Variants in EML6 observed in about 807,000 individuals in gnomAD.
EML6 encodes the protein EMAP like 6.
In EML6, 154 loss-of-function variants were observed where a neutral mutation model predicts 240.1. That is an observed-to-expected ratio of 0.64 (90% CI 0.56 to 0.73). The LOEUF is 0.73. Ranked by LOEUF, EML6 falls within the 30% of genes least tolerant of loss-of-function variation. EML6 has a pLI of 0.00. For synonymous variants in EML6, 1,148 were observed against 899.0 expected, an observed-to-expected ratio of 1.28 and a Z score of -4.95; for missense variants, 2,964 against 2,474.6, an observed-to-expected ratio of 1.20 and a Z score of -4.20.
chr2:54,854,737 C>G (rs748735184), intron 11 of EML6, among the ~76,000 whole-genome samples: 2 of 152,236 alleles, frequency 1.3e-5, no homozygotes, highest in African/African-American at 2.4e-5. Context: ...CATAACAAGA[C>G]ACCATCACTG....
At chr2:54,806,873 C>G (rs534221699) in intron 2 of EML6, among the ~76,000 whole-genome samples, 1 of 151,970 alleles carries the variant, frequency 6.6e-6, no homozygotes, top group Non-Finnish European at 1.5e-5. Context: ...GAGTAATTTG[C>G]TGAAGGTGAT....
intron 10 of EML6, among the ~76,000 whole-genome samples, chr2:54,850,567 A>G (rs1670023354): frequency 7.3e-6 from 1 of 137,598 alleles, no homozygotes; most frequent in African/African-American, 2.7e-5. Context: ...ATGCCTAAGG[A>G]TAAGAGCAAG....
intron 3 of EML6, among the ~76,000 whole-genome samples, chr2:54,816,531 G>C (rs1474007598): frequency 6.6e-6 from 1 of 152,172 alleles, no homozygotes; most frequent in African/African-American, 2.4e-5. Flanking sequence ...GATCTCCTGA[G>C]AGTTTATATG....
chr2:54,837,674 C>A (rs974160983), intron 7 of EML6, among the ~76,000 whole-genome samples: 3 of 152,186 alleles, frequency 2.0e-5, no homozygotes, highest in Non-Finnish European at 2.9e-5. Flanking sequence ...ACCTGCTGGG[C>A]ACTCTGAATT....
chr2:54,964,828 A>C (rs1183753702), intron 38 of EML6, 95 bp downstream of exon 38: 1 of 1,193,308 alleles, frequency 8.4e-7, no homozygotes. Flanking sequence ...TGTACCAGGC[A>C]ATGTGCTAAC....
chr2:54,944,318 C>T (rs1204776291), intron 28 of EML6, among the ~76,000 whole-genome samples: 1 of 152,146 alleles, frequency 6.6e-6, no homozygotes, highest in Non-Finnish European at 1.5e-5. Flanking sequence ...AACCATCTGT[C>T]CAGATATGCA....
chr2:54,777,751 T>C (rs1668664219), intron 2 of EML6, among the ~76,000 whole-genome samples: 1 of 152,202 alleles, frequency 6.6e-6, no homozygotes, highest in South Asian at 2.1e-4. Flanking sequence ...GCTGGGTACA[T>C]GGAGTGTTAC....
rs544507399 is a variant in EML6, at chr2:54,774,602, C to T, written c.198-38630C>T. The stretch of plus-strand genomic sequence containing the variant: ...GTTGTAAGGATCAAATAAAATAAAA[C>T]ATAGAGGTCCTTTTGCAAGAGGACC... On this transcript the variant is annotated intron_variant, in intron 2 of 41. Coordinates refer to ENST00000356458, the MANE Select transcript of EML6 (RefSeq NM_001039753.4). The surrounding 1 kb of genome is among the most constrained non-coding windows in gnomAD (Gnocchi z 4.1). Among the ~76,000 whole-genome samples, 1 of 152,194 alleles carries T rather than the reference C, an allele frequency of 6.6e-6. No individual in the cohort carries two copies. The highest frequency in any genetic ancestry group is 2.4e-5 in the African/African-American group (1 of 41,452).
intron 2 of EML6, among the ~76,000 whole-genome samples, chr2:54,775,808 T>C (rs1366852970): frequency 6.6e-6 from 1 of 152,188 alleles, no homozygotes; most frequent in Non-Finnish European, 1.5e-5. Context: ...AGTCTACAAC[T>C]AAAACCCATT....
chr2:54,753,666 T>G (rs1330664026), intron 2 of EML6, among the ~76,000 whole-genome samples: 3 of 148,136 alleles, frequency 2.0e-5, no homozygotes, highest in Non-Finnish European at 4.5e-5. Flanking sequence ...TCCTGAGTTT[T>G]TTTTTTTTTT....
At chr2:54,946,203 C>T (rs761373503) in intron 28 of EML6, among the ~76,000 whole-genome samples, 8 of 152,114 alleles carry the variant, frequency 5.3e-5, no homozygotes, top group Non-Finnish European at 1.2e-4. Context: ...CTGACCCTGC[C>T]CCCCTGCCCA....
At chr2:54,923,979 G>A (rs1325683292) in intron 26 of EML6, among the ~76,000 whole-genome samples, 1 of 152,170 alleles carries the variant, frequency 6.6e-6, no homozygotes, top group Non-Finnish European at 1.5e-5. Flanking sequence ...TTTCATAGCT[G>A]AGTAGAATTC....
chr2:54,938,726 T>C (rs1218683766), intron 28 of EML6, among the ~76,000 whole-genome samples: 3 of 152,234 alleles, frequency 2.0e-5, no homozygotes, highest in African/African-American at 7.2e-5. Context: ...CAGCACAATG[T>C]GATGGGTTCC....
At chr2:54,875,352 T>A (rs2103947999) in intron 16 of EML6, among the ~76,000 whole-genome samples, 1 of 152,352 alleles carries the variant, frequency 6.6e-6, no homozygotes, top group East Asian at 1.9e-4. Flanking sequence ...GACCTCCTTG[T>A]TTAACGGTGT....
At chr2:54,859,770 T>A (rs1308392743) in intron 12 of EML6, 69 bp downstream of exon 12, 32 of 1,326,868 alleles carry the variant, frequency 2.4e-5, no homozygotes, top group Non-Finnish European at 1.1e-5. Context: ...TGGTCTAACA[T>A]GTATTCTATA....
At chr2:54,863,734 T>C (rs1331508134) in intron 12 of EML6, 49 bp from the exon 13 acceptor site, 2 of 914,000 alleles carry the variant, frequency 2.2e-6, no homozygotes, top group Admixed American at 4.4e-5. Context: ...TTTCAGTTGC[T>C]CAGAGTCTCA....
At chr2:54,893,654 T>C (rs775532225) in intron 19 of EML6, among the ~76,000 whole-genome samples, 15 of 152,222 alleles carry the variant, frequency 9.9e-5, no homozygotes, top group Non-Finnish European at 2.1e-4. Flanking sequence ...TTTTCAGTTA[T>C]TTCCAGGTTG....
At chr2:54,951,656 C>A (rs1258561481) in intron 30 of EML6, among the ~76,000 whole-genome samples, 1 of 151,448 alleles carries the variant, frequency 6.6e-6, no homozygotes, top group Non-Finnish European at 1.5e-5. Context: ...TCATTACCAC[C>A]AGATTTAAAC....
chr2:54,813,206 G>T, intron 2 of EML6, 26 bp from the exon 3 acceptor site: 1 of 1,516,930 alleles, frequency 6.6e-7, no homozygotes, highest in Non-Finnish European at 8.9e-7. Flanking sequence ...GTTGGAAGAT[G>T]TGAAAAGAAA....
Sources: allele counts gnomAD v4.1 joint callset (sites outside exome capture counted in the v4.1 genomes callset), GRCh38; gene constraint gnomAD v4.1.1; non-coding constraint Gnocchi (gnomAD v3.1); transcripts MANE v1.5; gene names NCBI Gene and HGNC (gene_info 2026-07-23, HGNC 2026-07-21).